Variants in PRADC1 observed in about 807,000 individuals in gnomAD.
PRADC1 encodes protease associated domain containing 1.
PRADC1 carries 23 observed loss-of-function variants against 22.9 expected under a neutral mutation model. That is an observed-to-expected ratio of 1.00 (90% confidence interval 0.72 to 1.42). The LOEUF is 1.42. Ranked by LOEUF, PRADC1 falls within the 40% of genes most tolerant of loss-of-function variation. PRADC1 has a pLI of 0.00. For missense variants in PRADC1, 207 were observed against 258.3 expected (o/e 0.80, Z 1.36); for synonymous variants, 71 against 100.3 (o/e 0.71, Z 1.75).
Position 73,228,885 on chromosome 2 carries a change from A to T in PRADC1, c.356T>A (p.Val119Asp), listed in dbSNP as rs1168331519. ...GRAVIISDNA[V>D]DNDSFYVEMI... The stretch of plus-strand genomic sequence containing the variant: ...CTCCACGTAGAAGCTGTCATTGTCA[A>T]CTGCGTTGTCAGAGATGATCACCGC... The change falls in exon 4 of 5, where the codon GTT becomes GAT. Residue 119 changes from valine (V) to aspartate (D), a missense_variant. Val to Asp is a radical substitution (Grantham distance 152). Transcript: ENST00000258083. The surrounding 1 kb of genome is among the most constrained non-coding windows in gnomAD (Gnocchi z 4.0). The T allele has an allele frequency of 6.2e-7, 1 of 1,613,570 alleles. No individual in the cohort carries two copies. The highest frequency in any genetic ancestry group is 8.5e-7 in the Non-Finnish European group (1 of 1,179,960).
intron 1 of PRADC1, among the ~76,000 whole-genome samples, chr2:73,230,775 T>C (rs767023420): frequency 6.6e-6 from 1 of 152,242 alleles, no homozygotes; most frequent in Non-Finnish European, 1.5e-5. Flanking sequence ...TTAAACTCTT[T>C]TTAAACTGTG....
Position 73,233,089 on chromosome 2 carries a change from C to A in PRADC1, c.67+5G>T. 6.5e-7 allele frequency: 1 copy of A among 1,541,366 alleles called. No homozygotes were observed. Among genetic ancestry groups the A allele is most frequent in the Non-Finnish European group, 8.7e-7 (1 of 1,152,458 alleles). On this transcript the variant is annotated splice_donor_5th_base_variant and intron_variant, in intron 1 of 4. Transcript: ENST00000258083. ...TGCAACGCAGTCCCACCCGTTGCCG[C>A]TCACCGTGGGCCGCGACGCACGCGG...
intron 3 of PRADC1, 41 bp downstream of exon 3, chr2:73,229,420 A>ATGCCTTCCCACTCCTCGTGTCC: frequency 7.6e-7 from 1 of 1,311,780 alleles, no homozygotes; most frequent in Non-Finnish European, 1.1e-6. Flanking sequence ...AATCTGCCGT[A>ATGCCTTCCCACTCCTCGTGTCC]TGCCTGCCCA....
In PRADC1 at chr2:73,228,209, T is replaced by C; in HGVS notation, c.*245A>G. On this transcript the variant is annotated 3_prime_UTR_variant, in exon 5 of 5. Transcript: ENST00000258083. The surrounding 1 kb of genome is among the most constrained non-coding windows in gnomAD (Gnocchi z 4.0). ...TGCCTTCAGCTCCTTTTGTTTCGGGTTCTAGCCAGAAGCCCTGGGGCCTGT... is the reference window on the plus strand; with the variant it reads ...TGCCTTCAGCTCCTTTTGTTTCGGGCTCTAGCCAGAAGCCCTGGGGCCTGT... The C allele has an allele frequency of 2.0e-6, 1 of 500,672 alleles. No homozygotes were observed. The allele number at this position is 500,672 out of a possible 1,614,324, so 31.0% of individuals were successfully genotyped here.
intron 1 of PRADC1, among the ~76,000 whole-genome samples, chr2:73,230,938 C>T (rs992372703): frequency 3.3e-5 from 5 of 152,204 alleles, no homozygotes; most frequent in South Asian, 4.1e-4. Flanking sequence ...CCTACTCCCA[C>T]GCCACCCTAC....
intron 1 of PRADC1, among the ~76,000 whole-genome samples, chr2:73,230,658 CCTCCATTCTTG>C (rs1686619217): frequency 6.6e-6 from 1 of 152,254 alleles, no homozygotes; most frequent in Non-Finnish European, 1.5e-5. Context: ...GGCCTCCCTG[CCTCCATTCTTG>C]CTCCCCAAGC....
intron 1 of PRADC1, among the ~76,000 whole-genome samples, chr2:73,230,843 A>G (rs1268131900): frequency 2.0e-5 from 3 of 152,130 alleles, no homozygotes; most frequent in African/African-American, 7.2e-5. Context: ...CATCTCCTCC[A>G]TCCTGTGTTC....
chr2:73,233,192 T>C lies in PRADC1; in HGVS notation c.-32A>G. ...GGCCGGGCCCGGCCCGGCGCCGCGT[T>C]TCCTCTCGCCGCCCCGCCGCGCGTC... On this transcript the variant is annotated 5_prime_UTR_variant, in exon 1 of 5. Transcript: ENST00000258083. 2.3e-6 allele frequency: 3 copies of C among 1,310,972 alleles called. No individual in the cohort carries two copies. Among genetic ancestry groups the C allele is most frequent in the Non-Finnish European group, 2.9e-6 (3 of 1,018,396 alleles). The allele number at this position is 1,310,972 out of a possible 1,614,324, so 81.2% of individuals were successfully genotyped here.
Position 73,233,156 on chromosome 2 carries a change from A to G in PRADC1, c.5T>C (p.Val2Ala), listed in dbSNP as rs1020374011. The G allele has an allele frequency of 1.6e-5, 23 of 1,419,270 alleles. No individual in the cohort carries two copies. In the African/African-American group the frequency reaches 4.0e-4, roughly 25 times the overall value. The allele number at this position is 1,419,270 out of a possible 1,614,324, so 87.9% of individuals were successfully genotyped here. The change falls in exon 1 of 5, where the codon GTC (valine) becomes GCC (alanine). Residue 2 changes from valine to alanine, a missense_variant. Coordinates refer to ENST00000258083, the MANE Select transcript of PRADC1 (RefSeq NM_032319.3). ...ACAACACCAGCCCGCGGCGCCGGGG[A>G]CCATCTCCAGGGCCGGGCCCGGCCC... is the stretch of plus-strand genomic sequence containing the variant. M[V>A]PGAAGWCCLV...
At chr2:73,230,360 T>C in intron 1 of PRADC1, 147 bp from the exon 2 acceptor site, 6 of 635,774 alleles carry the variant, frequency 9.4e-6, no homozygotes, top group African/African-American at 1.8e-5. Context: ...GTGGCAGGGT[T>C]GGGGGCTAGA....
intron 3 of PRADC1, 82 bp downstream of exon 3, chr2:73,229,379 T>C: frequency 1.0e-6 from 1 of 972,992 alleles, no homozygotes; most frequent in Non-Finnish European, 1.6e-6. Flanking sequence ...CAAAAACAGC[T>C]CTTTCAAAGC....
At chr2:73,232,977 C>T in intron 1 of PRADC1, 117 bp downstream of exon 1, 1 of 1,226,622 alleles carries the variant, frequency 8.2e-7, no homozygotes, top group Non-Finnish European at 1.1e-6. Context: ...GCTCCCAGAC[C>T]TGTCCTGCTC....
Position 73,229,511 on chromosome 2 carries a change from T to C in PRADC1, c.228A>G (p.Glu76=). 3 of 1,614,022 alleles carry C rather than the reference T, an allele frequency of 1.9e-6. No individual in the cohort carries two copies. The highest frequency in any genetic ancestry group is 2.5e-6 in the Non-Finnish European group (3 of 1,180,000). ...CCTGGATGAAGAAACCGTTGCTGAG[T>C]TCCCCGCAGGCCTCTGGAGGTTCAG... ...VPAEPPEACG[E]LSNGFFIQDQ... The change falls in exon 3 of 5, where the codon GAA becomes GAG. Residue 76 remains glutamate (E), a synonymous_variant. Coordinates refer to ENST00000258083, the MANE Select transcript of PRADC1 (RefSeq NM_032319.3).
At position 73,229,526 on chromosome 2, in the gene PRADC1, T is replaced by C. The variant is rs749403888; in HGVS notation, c.213A>G (p.Pro71=). ...CGTTGCTGAGTTCCCCGCAGGCCTC[T>C]GGAGGTTCAGCGGGGACAAGGTGAA... ...EQIHLVPAEP[P]EACGELSNGF... is the part of the protein sequence containing the mutation. Residue 71 remains proline, a synonymous_variant, in exon 3 of 5, where the codon CCA becomes CCG. Transcript: ENST00000258083. 6.2e-6 allele frequency: 10 copies of C among 1,614,072 alleles called. No individual in the cohort carries two copies. Among genetic ancestry groups the C allele is most frequent in the Non-Finnish European group, 8.5e-6 (10 of 1,180,028 alleles).
intron 1 of PRADC1, among the ~76,000 whole-genome samples, chr2:73,231,690 T>G (rs1054795648): frequency 6.7e-6 from 1 of 149,252 alleles, no homozygotes; most frequent in Non-Finnish European, 1.5e-5. Context: ...TGCCAGGGCT[T>G]GTGATCCTCC....
intron 2 of PRADC1, 29 bp downstream of exon 2, chr2:73,230,084 T>C: frequency 6.8e-7 from 1 of 1,470,952 alleles, no homozygotes; most frequent in Non-Finnish European, 9.5e-7. Flanking sequence ...AGGTTGAGGA[T>C]CAGAGATCAG....
At position 73,231,964 on chromosome 2, in the gene PRADC1, C is replaced by T. The variant is rs749586868; in HGVS notation, c.67+1130G>A. Among the ~76,000 whole-genome samples the T allele has an allele frequency of 4.1e-4, 62 of 152,138 alleles. 1 individual carries two copies. Among genetic ancestry groups the T allele is most frequent in the Non-Finnish European group, 5.1e-4 (35 of 68,032 alleles). ...GGGGCATGGGATCTTCTCCTCAGCA[C>T]CAAAGTTTAATGTTGTACCTGGACT... is the stretch of plus-strand genomic sequence containing the variant. On this transcript the variant is annotated intron_variant, in intron 1 of 4. Transcript: ENST00000258083.
chr2:73,229,793 G>T (rs183443223), intron 2 of PRADC1: 4 of 592,262 alleles, frequency 6.8e-6, no homozygotes, highest in Admixed American at 6.0e-5. Context: ...AGGGGACTTG[G>T]TTGTAGATCC....
rs527289568 is a variant in PRADC1 at position 73,229,537 on chromosome 2, C to T, written c.202G>A (p.Ala68Thr). Residue 68 changes from alanine to threonine, a missense_variant, in exon 3 of 5, where the codon GCT becomes ACT. Transcript: ENST00000258083. ...TRYEQIHLVP[A>T]EPPEACGELS... ...TCCCCGCAGGCCTCTGGAGGTTCAG[C>T]GGGGACAAGGTGAATCTGCTCATAC... 2.2e-5 allele frequency: 36 copies of T among 1,614,044 alleles called. No homozygotes were observed. The highest frequency in any genetic ancestry group is 1.5e-4 in the African/African-American group (11 of 75,006).
Sources: gnomAD v4.1 joint callset for allele counts (sites outside exome capture counted in the v4.1 genomes callset) on GRCh38, gnomAD v4.1.1 for gene constraint, Gnocchi (gnomAD v3.1) non-coding constraint, MANE v1.5 for transcripts, NCBI Gene and HGNC (gene_info 2026-07-23, HGNC 2026-07-21) for gene names.